The following GRID1 variants were observed in gnomAD, a reference collection of about 807,000 sequenced individuals.
GRID1 encodes the protein glutamate ionotropic receptor delta type subunit 1.
GRID1 carries 28 observed loss-of-function variants against 98.0 expected under a neutral mutation model. That is an observed-to-expected ratio of 0.29 (90% CI 0.21 to 0.39). The LOEUF is 0.39. Among genes scored for constraint, GRID1 ranks in the 10% least tolerant of loss-of-function variants. GRID1 has a pLI of 1.00. For missense variants in GRID1, 1,111 were observed against 1,340.5 expected, an observed-to-expected ratio of 0.83 and a Z score of 2.67; for synonymous variants, 553 against 538.5, an observed-to-expected ratio of 1.03 and a Z score of -0.37.
chr10:86,360,169 TA>T (rs111761209), intron 2 of GRID1, among the ~76,000 whole-genome samples: 26 of 150,700 alleles, frequency 1.7e-4, no homozygotes, highest in East Asian at 5.8e-4. Flanking sequence ...TTCCCTTTTA[TA>T]AAAAAAAAAG....
intron 4 of GRID1, among the ~76,000 whole-genome samples, chr10:86,017,668 C>T (rs943343721): frequency 6.6e-5 from 10 of 152,206 alleles, no homozygotes; most frequent in Admixed American, 6.5e-5. Flanking sequence ...CAGAGGGCCA[C>T]AGTATCCAGC....
At chr10:85,637,253 G>C (rs528356526) in intron 13 of GRID1, among the ~76,000 whole-genome samples, 1 of 152,260 alleles carries the variant, frequency 6.6e-6, no homozygotes, top group East Asian at 1.9e-4. Context: ...GGTGAAAAAA[G>C]AAATATTTTA....
intron 2 of GRID1, among the ~76,000 whole-genome samples, chr10:86,257,030 T>A (rs1034193843): frequency 2.0e-5 from 3 of 152,248 alleles, no homozygotes; most frequent in Non-Finnish European, 2.9e-5. Flanking sequence ...TGATACCCTC[T>A]GAGTGCTTCC....
intron 4 of GRID1, among the ~76,000 whole-genome samples, chr10:86,082,813 C>T (rs1490614533): frequency 6.6e-6 from 1 of 152,234 alleles, no homozygotes; most frequent in Admixed American, 6.5e-5. Flanking sequence ...CCTCTGCCTG[C>T]ACTGTCCTGC....
At chr10:86,354,648 C>T (rs1005539745) in intron 2 of GRID1, among the ~76,000 whole-genome samples, 52 of 152,228 alleles carry the variant, frequency 3.4e-4, no homozygotes, top group African/African-American at 1.2e-3. Flanking sequence ...GATTTGGGAA[C>T]TGAACCCACA....
intron 2 of GRID1, among the ~76,000 whole-genome samples, chr10:86,318,664 G>A (rs1847930480): frequency 6.6e-6 from 1 of 152,220 alleles, no homozygotes; most frequent in Admixed American, 6.5e-5. Flanking sequence ...GGGACAGCAG[G>A]GAAGAGGAAC....
chr10:85,908,763 AC>A (rs1251837514), intron 5 of GRID1, among the ~76,000 whole-genome samples: 1 of 152,234 alleles, frequency 6.6e-6, no homozygotes, highest in Non-Finnish European at 1.5e-5. Context: ...CAGGAGCCTA[AC>A]AAAATGTAAT....
chr10:86,110,263 C>T (rs1049991069), intron 4 of GRID1, among the ~76,000 whole-genome samples: 1 of 152,146 alleles, frequency 6.6e-6, no homozygotes, highest in Admixed American at 6.5e-5. Flanking sequence ...CATGAGCCAC[C>T]GCCCCCGGCC....
chr10:85,854,372 G>A, intron 8 of GRID1, 124 bp downstream of exon 8: 2 of 850,312 alleles, frequency 2.4e-6, no homozygotes, highest in Admixed American at 2.0e-5. Flanking sequence ...TCAGCAGAGA[G>A]AGACTAGGAG....
At chr10:86,087,510 C>CTGTGTGTGTGTGTGTG (rs60644459) in intron 4 of GRID1, among the ~76,000 whole-genome samples, 5,357 of 140,888 alleles carry the variant, frequency 0.038, 122 homozygotes, top group Non-Finnish European at 0.056. Flanking sequence ...GTGTGTGTGT[C>CTGTGTGTGTGTGTGTG]TGTGTGTGTG....
intron 8 of GRID1, among the ~76,000 whole-genome samples, chr10:85,795,527 T>C (rs1052675294): frequency 1.3e-5 from 2 of 152,206 alleles, no homozygotes; most frequent in Non-Finnish European, 2.9e-5. Context: ...ATACAAGGCA[T>C]TTTTATTTTT....
At chr10:85,841,468 G>A (rs1842960840) in intron 8 of GRID1, among the ~76,000 whole-genome samples, 1 of 151,996 alleles carries the variant, frequency 6.6e-6, no homozygotes, top group Non-Finnish European at 1.5e-5. Context: ...TGCAACAAAA[G>A]CAAAAATTGA....
At chr10:86,048,779 G>A (rs958871917) in intron 4 of GRID1, among the ~76,000 whole-genome samples, 6 of 152,354 alleles carry the variant, frequency 3.9e-5, no homozygotes, top group East Asian at 1.9e-4. Context: ...CTTATTTATA[G>A]TGTCAACATG....
chr10:85,862,825 G>C (rs1328330992), intron 6 of GRID1, among the ~76,000 whole-genome samples: 1 of 152,204 alleles, frequency 6.6e-6, no homozygotes, highest in Non-Finnish European at 1.5e-5. Context: ...AAGGCCACCA[G>C]TGAGACTTTA....
intron 3 of GRID1, among the ~76,000 whole-genome samples, chr10:86,190,534 G>A (rs113585470): frequency 1.3e-5 from 2 of 152,196 alleles, no homozygotes; most frequent in Non-Finnish European, 2.9e-5. Context: ...GCCAAGACCT[G>A]GTTAGGTCCC....
intron 2 of GRID1, among the ~76,000 whole-genome samples, chr10:86,276,909 A>C (rs1010114621): frequency 1.2e-4 from 18 of 152,214 alleles, no homozygotes; most frequent in Admixed American, 5.9e-4. Context: ...ATCCAGCAAT[A>C]CTGTCCTTTT....
At chr10:86,075,805 T>G (rs112314694) in intron 4 of GRID1, among the ~76,000 whole-genome samples, 6,613 of 152,064 alleles carry the variant, frequency 0.043, 167 homozygotes, top group Middle Eastern at 0.068. Flanking sequence ...ATACAGTGAG[T>G]TTGGCCAGGA....
At chr10:85,853,091 A>C (rs1249782058) in intron 8 of GRID1, among the ~76,000 whole-genome samples, 5 of 151,698 alleles carry the variant, frequency 3.3e-5, no homozygotes, top group Non-Finnish European at 7.4e-5. Flanking sequence ...AGGCCATCCC[A>C]GTCTCTCCCT....
rs538609305 is a variant in GRID1, at chr10:85,834,301, T to C, written c.1233+20195A>G. On this transcript the variant is annotated intron_variant, in intron 8 of 15. Coordinates refer to ENST00000327946, the MANE Select transcript of GRID1 (RefSeq NM_017551.3). Reference sequence around the variant, plus strand: ...GAGAATATGAAACTATGGTAATCAGTAGAAAATGGCATAACACATTTAAAT... The same window carrying C: ...GAGAATATGAAACTATGGTAATCAGCAGAAAATGGCATAACACATTTAAAT... 2.2e-4 allele frequency among the ~76,000 whole-genome samples: 33 copies of C among 152,272 alleles called. No individual in the cohort carries two copies. The South Asian group carries it at 6.8e-3, about 32-fold the overall frequency.
Sources: gnomAD v4.1 joint callset for allele counts (sites outside exome capture counted in the v4.1 genomes callset) on GRCh38, gnomAD v4.1.1 for gene constraint, MANE v1.5 for transcripts, NCBI Gene and HGNC (gene_info 2026-07-23, HGNC 2026-07-21) for gene names.